OR2L13: variants seen among roughly 807,000 people sequenced by gnomAD.
OR2L13 encodes olfactory receptor 2L13.
OR2L13 carries 14 observed loss-of-function variants against 15.3 expected under a neutral mutation model. The ratio of observed to expected loss-of-function variants is 0.91; its 90% CI spans 0.60 to 1.43. The LOEUF is 1.43. OR2L13 is among the 40% of genes most tolerant of loss of function. The pLI, the probability that OR2L13 is intolerant of heterozygous loss-of-function variation, is 0.00. For synonymous variants in OR2L13, 152 were observed against 142.9 expected, an observed-to-expected ratio of 1.06 and a Z score of -0.45; for missense variants, 367 against 387.9, an observed-to-expected ratio of 0.95 and a Z score of 0.45.
chr1:248,035,454 G>T, the OR2L13 span: 2 of 146,188 alleles, frequency 1.4e-5, no homozygotes, highest in African/African-American at 5.0e-5. Context: ...ATCTCAAAAA[G>T]AAAAAAAAAA....
At chr1:248,055,834 C>T in the OR2L13 span, 4 of 152,332 alleles carry the variant, frequency 2.6e-5, no homozygotes, top group South Asian at 8.3e-4. Context: ...GGAAAAGTTT[C>T]AGAAGAAATG....
At chr1:248,082,762 C>A in the OR2L13 span, among the ~76,000 whole-genome samples, 2 of 152,124 alleles carry the variant, frequency 1.3e-5, no homozygotes, top group Non-Finnish European at 1.5e-5. Context: ...TATGCCTTGG[C>A]AGAAGTAAGG....
At chr1:248,065,482 G>A in the OR2L13 span, among the ~76,000 whole-genome samples, 5 of 150,890 alleles carry the variant, frequency 3.3e-5, no homozygotes, top group African/African-American at 1.2e-4. Context: ...TGTGCACAAT[G>A]TGCAGGTTAG....
At chr1:248,061,519 C>G in the OR2L13 span, 1 of 1,613,784 alleles carries the variant, frequency 6.2e-7, no homozygotes, top group Non-Finnish European at 8.5e-7. Flanking sequence ...CTACACCACC[C>G]TCACTCCAAT....
At chr1:248,070,400 A>G in the OR2L13 span, among the ~76,000 whole-genome samples, 3 of 152,210 alleles carry the variant, frequency 2.0e-5, no homozygotes, top group Non-Finnish European at 2.9e-5. Context: ...AAATGAAGGC[A>G]GAAATAAAGA....
chr1:248,041,700 G>C, the OR2L13 span: 1 of 152,040 alleles, frequency 6.6e-6, no homozygotes, highest in Non-Finnish European at 1.5e-5. Context: ...GTGGGTGAAG[G>C]ACATGAACAG....
chr1:248,073,126 G>A, the OR2L13 span, among the ~76,000 whole-genome samples: 4 of 151,790 alleles, frequency 2.6e-5, no homozygotes, highest in African/African-American at 9.7e-5. Context: ...CCATTACTGG[G>A]TATATACCCA....
the OR2L13 span, among the ~76,000 whole-genome samples, chr1:248,044,189 G>T: frequency 6.6e-6 from 1 of 152,066 alleles, no homozygotes; most frequent in Non-Finnish European, 1.5e-5. Context: ...CTGACAAAAC[G>T]AGTGGACAAT....
chr1:248,036,123 G>T, the OR2L13 span, among the ~76,000 whole-genome samples: 1 of 152,064 alleles, frequency 6.6e-6, no homozygotes, highest in Admixed American at 6.5e-5. Flanking sequence ...CCAGTTCTGA[G>T]AATTTTTGTA....
exon 3 of OR2L13, chr1:248,100,299 T>C (rs774107569): frequency 1.9e-6 from 3 of 1,598,452 alleles, no homozygotes; most frequent in Non-Finnish European, 2.6e-6. Context: ...GGATATTCTC[T>C]TTCCTGAAAG....
At chr1:247,975,797 A>G in the OR2L13 span, 2 of 375,948 alleles carry the variant, frequency 5.3e-6, no homozygotes, top group Non-Finnish European at 9.4e-6. Flanking sequence ...TTGAGTCTTG[A>G]CATTATAATT....
chr1:247,968,495 G>GCCCCCCCCCCCCCCCCCCC, the OR2L13 span, among the ~76,000 whole-genome samples: 2 of 65,486 alleles, frequency 3.1e-5, no homozygotes, highest in Admixed American at 1.8e-4. Flanking sequence ...CCTTCCCCCA[G>GCCCCCCCCCCCCCCCCCCC]CCCCCCACCC....
the OR2L13 span, chr1:248,004,117 G>T: frequency 8.6e-4 from 1,236 of 1,445,586 alleles, 10 homozygotes; most frequent in African/African-American, 0.015. Context: ...CATCCATTCA[G>T]CAGTGTATAG....
At chr1:247,958,676 G>T in the OR2L13 span, among the ~76,000 whole-genome samples, 1 of 152,070 alleles carries the variant, frequency 6.6e-6, no homozygotes, top group Non-Finnish European at 1.5e-5. Flanking sequence ...TCGTTGAATT[G>T]ATCCCTTTAC....
chr1:248,033,219 A>G, the OR2L13 span, among the ~76,000 whole-genome samples: 1 of 152,058 alleles, frequency 6.6e-6, no homozygotes, highest in Non-Finnish European at 1.5e-5. Flanking sequence ...TAGCTCTTAC[A>G]CTTAGGTCTT....
the OR2L13 span, among the ~76,000 whole-genome samples, chr1:248,054,358 A>C: frequency 6.6e-6 from 1 of 152,108 alleles, no homozygotes; most frequent in East Asian, 1.9e-4. Flanking sequence ...ATGTTACTGT[A>C]GCTTTGTAGT....
chr1:247,939,042 C>T, the OR2L13 span: 1 of 152,084 alleles, frequency 6.6e-6, no homozygotes, highest in Non-Finnish European at 1.5e-5. Context: ...GTAAAGGATG[C>T]AAGACATTAA....
the OR2L13 span, chr1:248,039,263 A>C: frequency 6.8e-7 from 1 of 1,472,244 alleles, no homozygotes; most frequent in Non-Finnish European, 9.1e-7. Flanking sequence ...AGTAGTGTAC[A>C]GCAGTGAAGA....
the OR2L13 span, among the ~76,000 whole-genome samples, chr1:248,001,337 T>G: frequency 1.3e-5 from 2 of 151,962 alleles, no homozygotes; most frequent in African/African-American, 2.4e-5. Flanking sequence ...TGAGACGTAG[T>G]TCAGGTTTAA....
Sources: gnomAD v4.1 joint callset for allele counts (sites outside exome capture counted in the v4.1 genomes callset) on GRCh38, gnomAD v4.1.1 for gene constraint, MANE v1.5 for transcripts, NCBI Gene and HGNC (gene_info 2026-07-23, HGNC 2026-07-21) for gene names.